Variants in PITPNM1 observed in about 807,000 individuals in gnomAD.
PITPNM1 encodes membrane-associated phosphatidylinositol transfer protein 1.
A neutral mutation model predicts 133.3 loss-of-function variants in PITPNM1; 74 were observed. The observed-to-expected ratio is 0.56, with a 90% CI of 0.46 to 0.67. The LOEUF (loss-of-function observed/expected upper bound fraction) is 0.67. PITPNM1 is among the 30% of genes least tolerant of loss of function. The pLI is 0.00. For missense variants in PITPNM1, 1,398 were observed against 1,739.5 expected (o/e 0.80, Z 3.49); for synonymous variants, 738 against 741.4 (o/e 1.00, Z 0.08).
Position 67,498,297 on chromosome 11 carries a change from C to G in PITPNM1, c.1510G>C (p.Asp504His). The G allele has an allele frequency of 1.9e-6, 3 of 1,593,326 alleles. No homozygotes were observed. The highest frequency in any genetic ancestry group is 2.6e-6 in the Non-Finnish European group (3 of 1,168,564). Residue 504 changes from aspartate (D) to histidine (H), a missense_variant, in exon 11 of 24, where the codon GAC becomes CAC. Physicochemically the swap from Asp to His is moderately conservative, Grantham distance 81. Transcript: ENST00000356404. This position sits in a 1 kb window ranked among gnomAD's most constrained non-coding sequence, Gnocchi z 5.7. ...SNLSPYSHDG[D>H]SLSRSQDHIP... ...TGGTCTTGGGAGCGAGACAGGCTGT[C>G]CCCATCGTGGCTGTAAGGGCTCAGG...
At chr11:67,495,979 C>A (rs948368641) in intron 15 of PITPNM1, among the ~76,000 whole-genome samples, 199 bp downstream of exon 15, 1 of 152,234 alleles carries the variant, frequency 6.6e-6, no homozygotes, top group East Asian at 1.9e-4. Flanking sequence ...TGGCTAACCA[C>A]CCCCACCCAA....
chr11:67,493,641 C>T, intron 21 of PITPNM1, 47 bp downstream of exon 21: 5 of 1,544,690 alleles, frequency 3.2e-6, no homozygotes, highest in Non-Finnish European at 4.4e-6. Context: ...GGGTGAGGGG[C>T]CGGTCACCCC....
In PITPNM1 at chr11:67,499,008, G is replaced by A; in HGVS notation, c.1172-7C>T. 6.2e-7 allele frequency: 1 copy of A among 1,609,506 alleles called. No homozygotes were observed. ...GCTGCCTCGGCTCCAGGCTCTGCAG[G>A]GCAACGAAGCCAGTGAGAGGGACGG... On this transcript the variant is annotated splice_polypyrimidine_tract_variant and splice_region_variant and intron_variant, in intron 8 of 23. Transcript: ENST00000356404.
chr11:67,498,763 C>G lies in PITPNM1; in HGVS notation c.1317G>C (p.Leu439=), dbSNP rs755437677. The G allele has an allele frequency of 1.1e-5, 17 of 1,612,020 alleles. No individual in the cohort carries two copies. Residue 439 remains leucine (L), a synonymous_variant, in exon 10 of 24, where the codon CTG becomes CTC. Transcript: ENST00000356404. The surrounding 1 kb of genome is among the most constrained non-coding windows in gnomAD (Gnocchi z 5.7). ...LFLILHSGNI[L]DSGPGDANSK... ...AGTTGGCGTCTCCAGGGCCTGAGTCCAGGATGTTGCCGCTGTGCAGGATAA... is the reference window on the plus strand; with the variant it reads ...AGTTGGCGTCTCCAGGGCCTGAGTCGAGGATGTTGCCGCTGTGCAGGATAA...
chr11:67,491,772 G>A lies in PITPNM1; in HGVS notation c.*261C>T, dbSNP rs960871146. On this transcript the variant is annotated 3_prime_UTR_variant, in exon 24 of 24. Transcript: ENST00000356404. ...GCCAGGCATGGGGTGAGTGGGTGGG[G>A]TGCAGGTGGCGTTTATTTTCATGGA... 1.7e-4 allele frequency: 82 copies of A among 491,752 alleles called. No individual in the cohort carries two copies. The highest frequency in any genetic ancestry group is 3.7e-4 in the Admixed American group (10 of 27,142). 30.5% of individuals were successfully genotyped at this position (491,752 alleles called of 1,614,324 possible). A position where few individuals can be genotyped will look rare whatever the true frequency, so the allele number is the denominator to read the frequency against.
Position 67,504,083 on chromosome 11 carries a change from C to T in PITPNM1, c.78+20G>A, listed in dbSNP as rs766934415. ...AGGGCTCCACCCCTTGCCCGGGTGC[C>T]CTCTCCCCGCCGCCCTCACCTGGAT... On this transcript the variant is annotated intron_variant, in intron 2 of 23. Transcript: ENST00000356404. This position sits in a 1 kb window ranked among gnomAD's most constrained non-coding sequence, Gnocchi z 5.4. 2.0e-5 allele frequency: 31 copies of T among 1,576,578 alleles called. No individual in the cohort carries two copies. Among genetic ancestry groups the T allele is most frequent in the Admixed American group, 5.5e-5 (3 of 54,198 alleles).
intron 5 of PITPNM1, among the ~76,000 whole-genome samples, chr11:67,501,293 A>G (rs1866315422): frequency 6.6e-6 from 1 of 152,232 alleles, no homozygotes; most frequent in African/African-American, 2.4e-5. Context: ...GGGGGTCAGT[A>G]GTGGGACAGA....
In PITPNM1 at chr11:67,498,739, G is replaced by A; in HGVS notation, c.1341C>T (p.Asn447=). The A allele has an allele frequency of 6.2e-7, 1 of 1,610,924 alleles. No homozygotes were observed. The highest frequency in any genetic ancestry group is 1.3e-5 in the African/African-American group (1 of 75,052). The change falls in exon 10 of 24, where the codon AAC becomes AAT. Residue 447 remains asparagine, a synonymous_variant. Coordinates refer to ENST00000356404, the MANE Select transcript of PITPNM1 (RefSeq NM_004910.3). This position sits in a 1 kb window ranked among gnomAD's most constrained non-coding sequence, Gnocchi z 5.7. The part of the protein sequence containing the change: ...NILDSGPGDA[N]SKQADVQTLS... The stretch of plus-strand genomic sequence containing the variant: ...GCGTCTGCACATCCGCCTGCTTGGA[G>A]TTGGCGTCTCCAGGGCCTGAGTCCA...
rs138234349 is a variant in PITPNM1 at position 67,498,163 on chromosome 11, G to C, written c.1644C>G (p.Arg548=). ...CACAGAAGCCGGCACCCTCAGGTGA[G>C]CGCAGGAAGGCTGAGTAGGCCTGGT... The part of the protein sequence containing the change: ...RTNQAYSAFL[R]SPEGAGFCGQ... Residue 548 remains arginine (R), a synonymous_variant, in exon 11 of 24, where the codon CGC becomes CGG. Transcript: ENST00000356404. The surrounding 1 kb of genome is among the most constrained non-coding windows in gnomAD (Gnocchi z 5.7). The C allele has an allele frequency of 6.6e-5, 107 of 1,613,120 alleles. No individual in the cohort carries two copies. In the African/African-American group the frequency reaches 1.2e-3, roughly 18 times the overall value.
chr11:67,498,378 C>T lies in PITPNM1; in HGVS notation c.1485-56G>A. On this transcript the variant is annotated intron_variant, in intron 10 of 23. Coordinates refer to ENST00000356404, the MANE Select transcript of PITPNM1 (RefSeq NM_004910.3). The surrounding 1 kb of genome is among the most constrained non-coding windows in gnomAD (Gnocchi z 5.7). ...GGGCTTCCAGACCCACTCCTGCCAT[C>T]CAAGTCCCCTGGGCCTGCTGGCAGG... 1 of 1,469,382 alleles carries T rather than the reference C, an allele frequency of 6.8e-7. No individual in the cohort carries two copies. Among genetic ancestry groups the T allele is most frequent in the South Asian group, 1.4e-5 (1 of 73,812 alleles). The allele number at this position is 1,469,382 out of a possible 1,614,324, so 91.0% of individuals were successfully genotyped here. A position where few individuals can be genotyped will look rare whatever the true frequency, so the allele number is the denominator to read the frequency against.
At chr11:67,503,870 A>T in intron 2 of PITPNM1, 1 of 418,798 alleles carries the variant, frequency 2.4e-6, no homozygotes, top group Admixed American at 4.3e-5. Flanking sequence ...CGATGGGATT[A>T]CAGATCCTGA....
Position 67,491,880 on chromosome 11 carries a change from G to A in PITPNM1, c.*153C>T. 2 of 842,068 alleles carry A rather than the reference G, an allele frequency of 2.4e-6. No individual in the cohort carries two copies. The highest frequency in any genetic ancestry group is 3.6e-6 in the Non-Finnish European group (2 of 555,876). The allele number at this position is 842,068 out of a possible 1,614,324, so 52.2% of individuals were successfully genotyped here. A position where few individuals can be genotyped will look rare whatever the true frequency, so the allele number is the denominator to read the frequency against. On this transcript the variant is annotated 3_prime_UTR_variant, in exon 24 of 24. Transcript: ENST00000356404. ...GCGCTGGGTCCCCTCATATGAAAGG[G>A]AAGTAACACCGAGGAGCACACGGAG...
In PITPNM1 at chr11:67,494,599, G is replaced by A. The variant is rs1380384086; in HGVS notation, c.2743-239C>T. On this transcript the variant is annotated intron_variant, in intron 18 of 23. Transcript: ENST00000356404. ...GGACGGGATGCAGAGGATGAGGCGAGGTGGGGACCAGCGCAGATCCAGACC... is the reference window on the plus strand; with the variant it reads ...GGACGGGATGCAGAGGATGAGGCGAAGTGGGGACCAGCGCAGATCCAGACC... Among the ~76,000 whole-genome samples, 12 of 152,242 alleles carry A rather than the reference G, an allele frequency of 7.9e-5. No individual in the cohort carries two copies. The East Asian group carries it at 2.3e-3, about 29-fold the overall frequency.
chr11:67,498,545 C>CTCCCTGGCCTGATCCTACGAGT lies in PITPNM1; in HGVS notation c.1484+29_1484+50dup. 6.3e-7 allele frequency: 1 copy of CTCCCTGGCCTGATCCTACGAGT among 1,575,110 alleles called. No individual in the cohort carries two copies. Among genetic ancestry groups the CTCCCTGGCCTGATCCTACGAGT allele is most frequent in the Non-Finnish European group, 8.6e-7 (1 of 1,165,642 alleles). On this transcript the variant is annotated intron_variant, in intron 10 of 23. Transcript: ENST00000356404. The surrounding 1 kb of genome is among the most constrained non-coding windows in gnomAD (Gnocchi z 5.7). ...GACCCCTTCCCCGCTCCCTGCCCCG[C>CTCCCTGGCCTGATCCTACGAGT]TCCCTGGCCTGATCCTACGAGTTCC...
At chr11:67,497,844 T>A in intron 12 of PITPNM1, 73 bp downstream of exon 12, 1 of 1,501,702 alleles carries the variant, frequency 6.7e-7, no homozygotes, top group Admixed American at 1.8e-5. Context: ...AGGGGTGGCA[T>A]TCCAGGGGGC....
At position 67,498,347 on chromosome 11, in the gene PITPNM1, G is replaced by C; in HGVS notation, c.1485-25C>G. On this transcript the variant is annotated intron_variant, in intron 10 of 23. Transcript: ENST00000356404. The surrounding 1 kb of genome is among the most constrained non-coding windows in gnomAD (Gnocchi z 5.7). ...GCTGTAGGAGGGGGAAATGTGCGTG[G>C]GTGAGGGGCTTCCAGACCCACTCCT... is the stretch of plus-strand genomic sequence containing the variant. The C allele has an allele frequency of 6.6e-7, 1 of 1,522,990 alleles. No homozygotes were observed. Among genetic ancestry groups the C allele is most frequent in the Non-Finnish European group, 8.8e-7 (1 of 1,136,590 alleles). 94.3% of individuals were successfully genotyped at this position (1,522,990 alleles called of 1,614,324 possible).
chr11:67,500,206 C>A lies in PITPNM1; in HGVS notation c.856G>T (p.Gly286Cys). The change falls in exon 6 of 24, where the codon GGC (glycine) becomes TGC (cysteine). Residue 286 changes from glycine to cysteine, a missense_variant. Physicochemically the swap from Gly to Cys is radical, Grantham distance 159 (BLOSUM62 -3). This residue lies in a region of PITPNM1 where 195 missense variants were observed against 178.8 expected (regional missense o/e 1.09). Transcript: ENST00000356404. The part of the protein sequence containing the change: ...TEARSAASNT[G>C]TPDGPEAPPG... ...GGGGCCTCAGGCCCATCGGGGGTGC[C>A]AGTGTTGCTGGCCGCAGACCGGGCC... 1 of 1,603,960 alleles carries A rather than the reference C, an allele frequency of 6.2e-7. No homozygotes were observed. Among genetic ancestry groups the A allele is most frequent in the East Asian group, 2.2e-5 (1 of 44,866 alleles).
Position 67,494,333 on chromosome 11 carries a change from C to A in PITPNM1, c.2770G>T (p.Asp924Tyr). 1.2e-6 allele frequency: 2 copies of A among 1,608,954 alleles called. No individual in the cohort carries two copies. The highest frequency in any genetic ancestry group is 2.2e-5 in the South Asian group (2 of 90,604). Residue 924 changes from aspartate (D) to tyrosine (Y), a missense_variant, in exon 19 of 24, where the codon GAC becomes TAC. Transcript: ENST00000356404. ...RNVTSNHRAS[D>Y]TVVCEGRPQV... ...GGGCGGCCCTCGCACACCACCGTGTCGCTCGCCCGGTGGTTGGAAGTGACG... is the reference window on the plus strand; with the variant it reads ...GGGCGGCCCTCGCACACCACCGTGTAGCTCGCCCGGTGGTTGGAAGTGACG...
At chr11:67,494,407 A>G in intron 18 of PITPNM1, 47 bp from the exon 19 acceptor site, 8 of 1,112,952 alleles carry the variant, frequency 7.2e-6, no homozygotes, top group Non-Finnish European at 8.7e-6. Context: ...AAGGATGGGG[A>G]TGCTTGGGGA....
Sources: gnomAD v4.1 joint callset for allele counts (sites outside exome capture counted in the v4.1 genomes callset) on GRCh38, gnomAD v4.1.1 for gene constraint, gnomAD v4.1.1 regional missense constraint, Gnocchi (gnomAD v3.1) non-coding constraint, MANE v1.5 for transcripts, NCBI Gene and HGNC (gene_info 2026-07-23, HGNC 2026-07-21) for gene names.